Variants in ESR1 observed in about 807,000 individuals in gnomAD.
ESR1 encodes the protein estrogen receptor.
ESR1 carries 12 observed loss-of-function variants against 52.7 expected under a neutral mutation model. The observed-to-expected ratio is 0.23, with a 90% CI of 0.15 to 0.37. The LOEUF is 0.37. Ranked by LOEUF, ESR1 falls within the 10% of genes least tolerant of loss-of-function variation. ESR1 has a pLI of 1.00. For missense variants in ESR1, 584 were observed against 779.7 expected (o/e 0.75, Z 2.99); for synonymous variants, 305 against 316.8 (o/e 0.96, Z 0.39).
chr6:151,866,665 T>G (rs531763349), intron 2 of ESR1, among the ~76,000 whole-genome samples: 2 of 152,200 alleles, frequency 1.3e-5, no homozygotes, highest in Non-Finnish European at 2.9e-5. Context: ...TTGCATCCTT[T>G]TTTATGGCTG....
intron 1 of ESR1, among the ~76,000 whole-genome samples, chr6:151,663,333 C>G (rs1777703733): frequency 6.6e-6 from 1 of 152,114 alleles, no homozygotes; most frequent in Non-Finnish European, 1.5e-5. Flanking sequence ...ATATATTCAT[C>G]ACTTTTATTT....
chr6:151,725,209 C>A (rs1368334862), intron 2 of ESR1, among the ~76,000 whole-genome samples: 3 of 152,082 alleles, frequency 2.0e-5, no homozygotes, highest in Non-Finnish European at 4.4e-5. Context: ...ATTATTCCCC[C>A]CAGGGCGGTT....
At chr6:151,789,269 G>A (rs1787305761) in intron 2 of ESR1, among the ~76,000 whole-genome samples, 1 of 152,136 alleles carries the variant, frequency 6.6e-6, no homozygotes, top group Non-Finnish European at 1.5e-5. Context: ...TACAGCAATA[G>A]CTTCCAAAGG....
At chr6:151,731,883 G>A (rs1287180417) in intron 2 of ESR1, among the ~76,000 whole-genome samples, 8 of 152,170 alleles carry the variant, frequency 5.3e-5, no homozygotes. Context: ...AGAAAGTGCT[G>A]TTTTCCCACT....
intron 2 of ESR1, among the ~76,000 whole-genome samples, chr6:151,759,188 T>C (rs1485647194): frequency 6.7e-6 from 1 of 150,116 alleles, no homozygotes; most frequent in Non-Finnish European, 1.5e-5. Flanking sequence ...GGCAGGAGAA[T>C]TGCTTGAACA....
intron 5 of ESR1, among the ~76,000 whole-genome samples, chr6:152,038,268 C>T (rs971173555): frequency 6.6e-5 from 10 of 152,220 alleles, no homozygotes; most frequent in Admixed American, 1.3e-4. Flanking sequence ...ATCCTAGCCA[C>T]GCTGGCATGA....
rs1017879537 is a variant in ESR1 at position 151,763,265 on chromosome 6, G to A, written c.-70-44578G>A. On this transcript the variant is annotated intron_variant, in intron 2 of 2. Coordinates refer to the ESR1 transcript ENST00000404742. ...TCCTTGTCACTACCTGCCACTCTGA[G>A]ATCACTTGTTGTCTTTCCATATATA... Among the ~76,000 whole-genome samples, 77 of 150,884 alleles carry A rather than the reference G, an allele frequency of 5.1e-4. 1 individual carries two copies. The highest frequency in any genetic ancestry group is 8.8e-5 in the Non-Finnish European group (6 of 67,974).
chr6:152,109,807 C>T (rs1381070670), intron 6 of ESR1, among the ~76,000 whole-genome samples: 1 of 152,170 alleles, frequency 6.6e-6, no homozygotes, highest in African/African-American at 2.4e-5. Context: ...ACAGAACTGC[C>T]TATAGATAAC....
intron 2 of ESR1, among the ~76,000 whole-genome samples, chr6:151,707,007 A>G (rs1780235783): frequency 6.6e-6 from 1 of 152,148 alleles, no homozygotes; most frequent in Non-Finnish European, 1.5e-5. Context: ...ACCTTTATCC[A>G]AGGGATGTAA....
intron 3 of ESR1, among the ~76,000 whole-genome samples, chr6:151,898,808 C>T (rs1440641429): frequency 6.6e-6 from 1 of 152,242 alleles, no homozygotes; most frequent in Non-Finnish European, 1.5e-5. Context: ...TCTTTCTACA[C>T]AGACACGGCA....
At chr6:152,042,476 A>G (rs554764344) in intron 5 of ESR1, among the ~76,000 whole-genome samples, 1 of 152,148 alleles carries the variant, frequency 6.6e-6, no homozygotes, top group Non-Finnish European at 1.5e-5. Flanking sequence ...CCCTTTCCCC[A>G]GTGCACAGTT....
chr6:151,872,414 G>A (rs1220944889), intron 2 of ESR1, among the ~76,000 whole-genome samples: 1 of 152,102 alleles, frequency 6.6e-6, no homozygotes, highest in African/African-American at 2.4e-5. Flanking sequence ...ATTTGGCAAA[G>A]CTGTTGAAAA....
At position 151,808,309 on chromosome 6, in the gene ESR1, G is replaced by A. The variant is rs1452539545; in HGVS notation, c.397G>A (p.Glu133Lys). 1 of 1,567,288 alleles carries A rather than the reference G, an allele frequency of 6.4e-7. No homozygotes were observed. The highest frequency in any genetic ancestry group is 8.6e-7 in the Non-Finnish European group (1 of 1,159,078). ...PHGQQVPYYL[E>K]NEPSGYTVRE... is the part of the protein sequence containing the mutation. ...CGGCCAGCAGGTGCCCTACTACCTG[G>A]AGAACGAGCCCAGCGGCTACACGGT... The change falls in exon 1 of 8, where the codon GAG (glutamate) becomes AAG (lysine). Residue 133 changes from glutamate to lysine, a missense_variant. By Grantham distance (56) the Glu-to-Lys change is moderately conservative. Around this residue, in one of 6 missense-constraint regions of ESR1, gnomAD observed 251 missense variants for 246.1 expected, o/e 1.02. Coordinates refer to ENST00000206249, the MANE Select transcript of ESR1 (RefSeq NM_000125.4).
At chr6:151,919,922 A>G (rs546170200) in intron 3 of ESR1, among the ~76,000 whole-genome samples, 2 of 152,334 alleles carry the variant, frequency 1.3e-5, no homozygotes, top group African/African-American at 2.4e-5. Flanking sequence ...ATGTATATGC[A>G]TATGTCTTCC....
intron 2 of ESR1, among the ~76,000 whole-genome samples, chr6:151,721,796 C>T (rs1388345492): frequency 6.6e-6 from 1 of 152,214 alleles, no homozygotes; most frequent in Non-Finnish European, 1.5e-5. Flanking sequence ...GGGCTTTTGG[C>T]ATAGCTGTTC....
At chr6:151,818,613 G>A (rs1311663979) in intron 1 of ESR1, among the ~76,000 whole-genome samples, 1 of 152,012 alleles carries the variant, frequency 6.6e-6, no homozygotes, top group Non-Finnish European at 1.5e-5. Flanking sequence ...CATTTTCTAG[G>A]ACATCTTAAA....
intron 6 of ESR1, among the ~76,000 whole-genome samples, chr6:152,085,276 C>T (rs980001544): frequency 6.6e-6 from 1 of 152,018 alleles, no homozygotes; most frequent in South Asian, 2.1e-4. Flanking sequence ...GTACTCCACC[C>T]TGGGTGACAG....
upstream of ESR1, among the ~76,000 whole-genome samples, chr6:151,686,731 A>ACCAG (rs1483713424): frequency 1.4e-5 from 2 of 145,378 alleles, no homozygotes; most frequent in Non-Finnish European, 3.0e-5. Context: ...CAACCAACCA[A>ACCAG]CCAGCACCTA....
chr6:151,780,164 A>G (rs1224632044), intron 2 of ESR1, among the ~76,000 whole-genome samples: 2 of 151,954 alleles, frequency 1.3e-5, no homozygotes, highest in Admixed American at 6.6e-5. Flanking sequence ...TAATGAGAAC[A>G]TATTTGCACA....
Sources: gnomAD v4.1 joint callset for allele counts (sites outside exome capture counted in the v4.1 genomes callset) on GRCh38, gnomAD v4.1.1 for gene constraint, gnomAD v4.1.1 regional missense constraint, MANE v1.5 for transcripts, NCBI Gene and HGNC (gene_info 2026-07-23, HGNC 2026-07-21) for gene names.